The following RANBP2 variants were observed in gnomAD, a reference collection of about 807,000 sequenced individuals.
The protein encoded by RANBP2 is E3 SUMO-protein ligase RanBP2.
RANBP2 carries 57 observed loss-of-function variants against 303.6 expected under a neutral mutation model. That is an observed-to-expected ratio of 0.19 (90% CI 0.15 to 0.23). RANBP2 has a LOEUF of 0.23. RANBP2 is among the 10% of genes least tolerant of loss of function. The probability of loss-of-function intolerance (pLI) is 1.00; values close to 1 mark genes in which losing one functional copy is unlikely to be tolerated. For missense variants in RANBP2, 3,138 were observed against 3,780.8 expected, an observed-to-expected ratio of 0.83 and a Z score of 4.46; for synonymous variants, 1,167 against 1,301.5, an observed-to-expected ratio of 0.90 and a Z score of 2.23.
the RANBP2 span, among the ~76,000 whole-genome samples, chr2:109,277,044 A>C: frequency 6.6e-6 from 1 of 152,172 alleles, no homozygotes. Flanking sequence ...AATGGCAGGC[A>C]CCATGCTCTG....
At chr2:109,613,756 CGGGGAGCGCGGGGCT>C in the RANBP2 span, 1 of 1,186,988 alleles carries the variant, frequency 8.4e-7, no homozygotes, top group Non-Finnish European at 1.1e-6. Flanking sequence ...CCGCGGGGGC[CGGGGAGCGCGGGGCT>C]GGGGCCCCGG....
the RANBP2 span, among the ~76,000 whole-genome samples, chr2:109,327,168 T>C: frequency 6.6e-6 from 1 of 152,366 alleles, no homozygotes; most frequent in South Asian, 2.1e-4. Context: ...TTTAAAAGTT[T>C]TATAGTTTTG....
the RANBP2 span, among the ~76,000 whole-genome samples, chr2:109,695,886 AG>A: frequency 1.3e-5 from 2 of 152,098 alleles, no homozygotes; most frequent in Non-Finnish European, 2.9e-5. Context: ...TAGGGAGGAC[AG>A]GATTTGGGGG....
At chr2:109,623,852 G>A in the RANBP2 span, among the ~76,000 whole-genome samples, 1 of 152,238 alleles carries the variant, frequency 6.6e-6, no homozygotes, top group Non-Finnish European at 1.5e-5. Flanking sequence ...GGTTTGGGGT[G>A]GGGAGAGGAA....
At chr2:109,034,622 G>A in the RANBP2 span, among the ~76,000 whole-genome samples, 1 of 152,226 alleles carries the variant, frequency 6.6e-6, no homozygotes, top group Non-Finnish European at 1.5e-5. Flanking sequence ...GCCACTTCAT[G>A]GAGCTAAGGT....
chr2:109,526,210 G>T, the RANBP2 span, among the ~76,000 whole-genome samples: 47 of 152,256 alleles, frequency 3.1e-4, 1 homozygote, highest in Admixed American at 1.2e-3. Flanking sequence ...CAAATTCGAG[G>T]CACAGGCTTC....
chr2:109,254,925 A>T, the RANBP2 span, among the ~76,000 whole-genome samples: 1 of 152,170 alleles, frequency 6.6e-6, no homozygotes, highest in Admixed American at 6.5e-5. Context: ...CTGGTCTCAA[A>T]AGCTAGAAAA....
the RANBP2 span, among the ~76,000 whole-genome samples, chr2:109,669,747 G>A: frequency 6.6e-6 from 1 of 152,266 alleles, no homozygotes; most frequent in East Asian, 1.9e-4. Context: ...TCCCTGGCCA[G>A]CAGCCTAGGC....
chr2:108,999,293 C>G, the RANBP2 span, among the ~76,000 whole-genome samples: 1 of 152,174 alleles, frequency 6.6e-6, no homozygotes, highest in Admixed American at 6.5e-5. Context: ...TAGGCTGGAG[C>G]TTTGCATGTT....
intron 1 of RANBP2, among the ~76,000 whole-genome samples, chr2:108,721,318 T>TA (rs1391584841): frequency 6.6e-6 from 1 of 152,332 alleles, no homozygotes; most frequent in Admixed American, 6.5e-5. Flanking sequence ...GGAGGATAGA[T>TA]ATCTACTTGT....
At chr2:109,309,312 A>G in the RANBP2 span, among the ~76,000 whole-genome samples, 5 of 150,508 alleles carry the variant, frequency 3.3e-5, no homozygotes, top group African/African-American at 9.9e-5. Flanking sequence ...TATCAGCTTA[A>G]GGAGATTTTG....
the RANBP2 span, among the ~76,000 whole-genome samples, chr2:109,734,219 C>T: frequency 2.3e-4 from 34 of 148,770 alleles, no homozygotes; most frequent in Non-Finnish European, 4.9e-4. Context: ...ATAGGTGAAA[C>T]TATTTCTATT....
chr2:109,309,350 A>G, the RANBP2 span, among the ~76,000 whole-genome samples: 5 of 150,126 alleles, frequency 3.3e-5, no homozygotes, highest in African/African-American at 7.5e-5. Flanking sequence ...TCCTGAAGGA[A>G]GCGCTAAACA....
At chr2:108,896,496 GT>G in the RANBP2 span, 1 of 171,738 alleles carries the variant, frequency 5.8e-6, no homozygotes. Context: ...GAAGTGGTTT[GT>G]AAACATACGT....
At chr2:109,525,216 G>A in the RANBP2 span, among the ~76,000 whole-genome samples, 70 of 152,104 alleles carry the variant, frequency 4.6e-4, no homozygotes, top group African/African-American at 1.6e-3. Context: ...GTGCAGTGAC[G>A]CGGTCTTGGC....
the RANBP2 span, among the ~76,000 whole-genome samples, chr2:109,114,685 T>C: frequency 6.6e-6 from 1 of 151,900 alleles, no homozygotes; most frequent in Non-Finnish European, 1.5e-5. Context: ...CTTTTGAATG[T>C]GTTTGCTCTT....
At chr2:109,377,347 T>C in the RANBP2 span, among the ~76,000 whole-genome samples, 1 of 152,178 alleles carries the variant, frequency 6.6e-6, no homozygotes, top group South Asian at 2.1e-4. Context: ...GGGGCCCAGC[T>C]GCTGATGATG....
the RANBP2 span, among the ~76,000 whole-genome samples, chr2:109,629,055 T>C: frequency 3.3e-5 from 5 of 151,434 alleles, no homozygotes; most frequent in African/African-American, 1.2e-4. Flanking sequence ...TTACAAAATT[T>C]GCTGGGCCTG....
chr2:109,331,320 A>G, the RANBP2 span, among the ~76,000 whole-genome samples: 1 of 151,988 alleles, frequency 6.6e-6, no homozygotes, highest in Admixed American at 6.6e-5. Context: ...CTCATTTGCA[A>G]TCAATTAACA....
Sources: gnomAD v4.1 joint callset for allele counts (sites outside exome capture counted in the v4.1 genomes callset) on GRCh38, gnomAD v4.1.1 for gene constraint, MANE v1.5 for transcripts, NCBI Gene and HGNC (gene_info 2026-07-23, HGNC 2026-07-21) for gene names.